The following MTUS1 variants were observed in gnomAD, a reference collection of about 807,000 sequenced individuals.
MTUS1 encodes microtubule-associated tumor suppressor 1.
In MTUS1, 109 loss-of-function variants were observed where a neutral mutation model predicts 120.8. The observed-to-expected ratio is 0.90, with a 90% CI of 0.77 to 1.06. MTUS1 has a LOEUF of 1.06. Ranked by LOEUF, MTUS1 falls within the 50% of genes least tolerant of loss-of-function variation. MTUS1 has a pLI of 0.00. For missense variants in MTUS1, 2,210 were observed against 1,486.3 expected (o/e 1.49, Z -8.01); for synonymous variants, 737 against 550.5 (o/e 1.34, Z -4.74).
intron 3 of MTUS1, among the ~76,000 whole-genome samples, chr8:17,730,214 G>A (rs536582284): frequency 2.6e-5 from 4 of 152,186 alleles, no homozygotes; most frequent in South Asian, 4.2e-4. Context: ...GTGGTGGCTC[G>A]TGCCTGTAAT....
chr8:17,663,401 G>A (rs1459184646), intron 8 of MTUS1, among the ~76,000 whole-genome samples: 1 of 152,158 alleles, frequency 6.6e-6, no homozygotes, highest in African/African-American at 2.4e-5. Context: ...ATGATACAGT[G>A]CTTTCCTAGT....
In MTUS1 at chr8:17,738,904, C is replaced by G. The variant is rs527496999; in HGVS notation, c.2287+4700G>C. 1.1e-4 allele frequency among the ~76,000 whole-genome samples: 17 copies of G among 151,398 alleles called. No individual in the cohort carries two copies. The East Asian group carries it at 3.4e-3, about 30-fold the overall frequency. On this transcript the variant is annotated intron_variant, in intron 3 of 14. Coordinates refer to ENST00000693296, the MANE Select transcript of MTUS1 (RefSeq NM_001363059.2). ...CTGTCATCTCGGTACTGTGGGAGGC[C>G]TAGGTGGGAGGATCACTTAAGCCCA...
chr8:17,751,466 G>T (rs2048182411), intron 2 of MTUS1, among the ~76,000 whole-genome samples: 3 of 152,162 alleles, frequency 2.0e-5, no homozygotes, highest in Non-Finnish European at 2.9e-5. Context: ...GCCTATGAGG[G>T]TCTGCCCAGA....
chr8:17,696,853 T>C (rs535663623), intron 6 of MTUS1, among the ~76,000 whole-genome samples: 65 of 152,286 alleles, frequency 4.3e-4, no homozygotes, highest in African/African-American at 1.6e-3. Flanking sequence ...TGAGAAACTA[T>C]CCAATGAAAA....
chr8:17,764,556 C>T (rs534690536), intron 1 of MTUS1, among the ~76,000 whole-genome samples: 14 of 152,316 alleles, frequency 9.2e-5, no homozygotes, highest in African/African-American at 2.6e-4. Context: ...TCTTTTAAGA[C>T]GTCTTCACAC....
chr8:17,794,630 C>T (rs150925153), intron 1 of MTUS1, among the ~76,000 whole-genome samples: 6 of 152,158 alleles, frequency 3.9e-5, no homozygotes, highest in African/African-American at 1.4e-4. Context: ...TCAATTAAAG[C>T]CTGTTGGCTT....
intron 8 of MTUS1, 132 bp from the exon 9 acceptor site, chr8:17,656,197 T>A: frequency 1.3e-6 from 1 of 767,378 alleles, no homozygotes; most frequent in Non-Finnish European, 2.2e-6. Flanking sequence ...CTAGTGACCA[T>A]GTCTTCAAAT....
chr8:17,795,777 T>C (rs1404862641), intron 1 of MTUS1, among the ~76,000 whole-genome samples: 1 of 151,212 alleles, frequency 6.6e-6, no homozygotes, highest in Non-Finnish European at 1.5e-5. Context: ...GTAGCGGGGA[T>C]ATAAGCACCC....
intron 4 of MTUS1, among the ~76,000 whole-genome samples, chr8:17,719,799 C>T (rs184119446): frequency 6.6e-6 from 1 of 152,100 alleles, no homozygotes; most frequent in Admixed American, 6.5e-5. Context: ...AGAAAAAAAA[C>T]AAAAAACAAA....
intron 1 of MTUS1, among the ~76,000 whole-genome samples, chr8:17,765,752 T>C (rs893533542): frequency 6.6e-6 from 1 of 151,816 alleles, no homozygotes; most frequent in Admixed American, 6.6e-5. Flanking sequence ...TTTATTTTTA[T>C]TTCTTGGCTC....
chr8:17,658,246 G>T (rs1472835547), intron 8 of MTUS1, among the ~76,000 whole-genome samples: 1 of 152,148 alleles, frequency 6.6e-6, no homozygotes, highest in Non-Finnish European at 1.5e-5. Flanking sequence ...ATGTTGGTCA[G>T]GCTGTTCTCT....
chr8:17,764,394 G>C (rs987602279), intron 1 of MTUS1, among the ~76,000 whole-genome samples: 12 of 83,090 alleles, frequency 1.4e-4, no homozygotes, highest in African/African-American at 4.3e-4. Context: ...TTTTATGAAA[G>C]AAAACTGCAA....
Position 17,747,245 on chromosome 8 carries a change from C to T in MTUS1, c.2092-3446G>A, listed in dbSNP as rs149709597. Among the ~76,000 whole-genome samples the T allele has an allele frequency of 2.0e-4, 31 of 152,186 alleles. No individual in the cohort carries two copies. In the East Asian group the frequency reaches 3.1e-3, roughly 15 times the overall value. Reference sequence around the variant, plus strand: ...GCTCCCACCACACCTACCTAGAGTCCCCTAAATTAGAAAATCTTCTCATAT... The same window carrying T: ...GCTCCCACCACACCTACCTAGAGTCTCCTAAATTAGAAAATCTTCTCATAT... On this transcript the variant is annotated intron_variant, in intron 2 of 14. Coordinates refer to ENST00000693296, the MANE Select transcript of MTUS1 (RefSeq NM_001363059.2).
At chr8:17,791,110 G>GACC (rs1460542830) in intron 1 of MTUS1, among the ~76,000 whole-genome samples, 21 of 152,244 alleles carry the variant, frequency 1.4e-4, no homozygotes, top group African/African-American at 4.8e-4. Flanking sequence ...GTGGGAAATG[G>GACC]ACCGGTACAA....
chr8:17,649,875 C>T lies in MTUS1; in HGVS notation c.3472G>A (p.Asp1158Asn). ...TTCTCCATTTTCATTAACTTGATGTCCTGTTGATGCAGTTTCTCATTCTTG... is the reference window on the plus strand; with the variant it reads ...TTCTCCATTTTCATTAACTTGATGTTCTGTTGATGCAGTTTCTCATTCTTG... ...EIKNEKLHQQ[D>N]IKLMKMEKLV... Residue 1158 changes from aspartate (D) to asparagine (N), a missense_variant, in exon 13 of 15, where the codon GAC becomes AAC. Physicochemically the swap from Asp to Asn is conservative, Grantham distance 23. Transcript: ENST00000693296. The T allele has an allele frequency of 1.2e-6, 2 of 1,601,228 alleles. No individual in the cohort carries two copies. The highest frequency in any genetic ancestry group is 8.6e-7 in the Non-Finnish European group (1 of 1,168,460).
intron 3 of MTUS1, among the ~76,000 whole-genome samples, chr8:17,740,780 T>G (rs937992025): frequency 8.5e-5 from 13 of 152,204 alleles, no homozygotes; most frequent in African/African-American, 2.9e-4. Context: ...CCAGCTGATC[T>G]GCTTCCCAGC....
chr8:17,645,103 ATTTACACATAGC>A lies in MTUS1; in HGVS notation c.*811_*822del, dbSNP rs1805528314. On this transcript the variant is annotated 3_prime_UTR_variant, in exon 15 of 15. Transcript: ENST00000693296. ...TTTTATAGAAAAATTAGGGTTCTAC[ATTTACACATAGC>A]CTGAGAAAATGAATTACAGGATAGT... is the stretch of plus-strand genomic sequence containing the variant. The A allele has an allele frequency of 6.6e-6, 1 of 152,644 alleles. No homozygotes were observed. Among genetic ancestry groups the A allele is most frequent in the Admixed American group, 6.5e-5 (1 of 15,282 alleles). The allele number at this position is 152,644 out of a possible 1,614,324, so 9.5% of individuals were successfully genotyped here.
At chr8:17,729,852 T>C (rs1339592849) in intron 3 of MTUS1, among the ~76,000 whole-genome samples, 2 of 151,822 alleles carry the variant, frequency 1.3e-5, no homozygotes, top group Admixed American at 6.6e-5. Flanking sequence ...AGGACTCGAA[T>C]AGACATTTCT....
chr8:17,654,191 C>T (rs1255819638), intron 10 of MTUS1: 2 of 227,548 alleles, frequency 8.8e-6, no homozygotes, highest in Non-Finnish European at 1.7e-5. Context: ...GTGGCATCGA[C>T]ATTTCACAGC....
Sources: gnomAD v4.1 joint callset for allele counts (sites outside exome capture counted in the v4.1 genomes callset) on GRCh38, gnomAD v4.1.1 for gene constraint, MANE v1.5 for transcripts, NCBI Gene and HGNC (gene_info 2026-07-23, HGNC 2026-07-21) for gene names.